Variants in FAM163B observed in about 807,000 individuals in gnomAD.
FAM163B encodes the protein family with sequence similarity 163 member B, also known as protein FAM163B.
Under a neutral mutation model 7.6 loss-of-function variants are expected in FAM163B, and 4 were observed. That is an observed-to-expected ratio of 0.52 (90% CI 0.26 to 1.20). FAM163B has a LOEUF of 1.20. Among genes scored for constraint, FAM163B ranks in the 50% most tolerant of loss-of-function variants. The pLI, the probability that FAM163B is intolerant of heterozygous loss-of-function variation, is 0.14. For synonymous variants in FAM163B, 120 were observed against 111.6 expected, an observed-to-expected ratio of 1.07 and a Z score of -0.47; for missense variants, 250 against 243.0, an observed-to-expected ratio of 1.03 and a Z score of -0.19.
intron 1 of FAM163B, among the ~76,000 whole-genome samples, chr9:133,597,855 G>A (rs1488275258): frequency 6.6e-6 from 1 of 152,030 alleles, no homozygotes; most frequent in Non-Finnish European, 1.5e-5. Context: ...AAAAAAAGAA[G>A]GCCGTCAACC....
chr9:133,595,502 C>T (rs1359053712), intron 1 of FAM163B, among the ~76,000 whole-genome samples: 1 of 152,212 alleles, frequency 6.6e-6, no homozygotes, highest in Non-Finnish European at 1.5e-5. Context: ...CATCCTCGGA[C>T]CACACTTTGA....
intron 1 of FAM163B, among the ~76,000 whole-genome samples, chr9:133,608,649 G>A (rs1053015058): frequency 1.3e-5 from 2 of 152,204 alleles, no homozygotes; most frequent in Non-Finnish European, 2.9e-5. Flanking sequence ...TTGGGTGAAT[G>A]GGATGGGATG....
chr9:133,588,611 G>A (rs1484873507), intron 1 of FAM163B, among the ~76,000 whole-genome samples: 2 of 120,978 alleles, frequency 1.7e-5, no homozygotes, highest in Non-Finnish European at 1.8e-5. Flanking sequence ...GATCTAGGAT[G>A]CTGAAGGATC....
chr9:133,598,224 A>G (rs79368932), intron 1 of FAM163B, among the ~76,000 whole-genome samples: 2,382 of 151,964 alleles, frequency 0.016, 71 homozygotes, highest in East Asian at 0.13. Flanking sequence ...AGGGTTGAGG[A>G]GACAGCAGCT....
At position 133,586,908 on chromosome 9, in the gene FAM163B, C is replaced by T. The variant is rs1311355951; in HGVS notation, c.-23-6662G>A. Reference sequence around the variant, plus strand: ...CTCGTCTCACCCTGGGACCCCCCAGCGTAGGCGGCTTTCCCAGGTGGTGGC... The same window carrying T: ...CTCGTCTCACCCTGGGACCCCCCAGTGTAGGCGGCTTTCCCAGGTGGTGGC... On this transcript the variant is annotated intron_variant, in intron 1 of 2. Coordinates refer to ENST00000673969, the MANE Select transcript of FAM163B (RefSeq NM_001080515.3). Among the ~76,000 whole-genome samples, 11 of 152,036 alleles carry T rather than the reference C, an allele frequency of 7.2e-5. No individual in the cohort carries two copies. In the East Asian group the frequency reaches 1.2e-3, roughly 16 times the overall value.
At chr9:133,590,805 C>T (rs1831541586) in intron 1 of FAM163B, among the ~76,000 whole-genome samples, 1 of 152,190 alleles carries the variant, frequency 6.6e-6, no homozygotes. Flanking sequence ...CCAAGGTCTC[C>T]TCTGCCTGAG....
rs1364527467 is a variant in FAM163B, at chr9:133,578,332, AAAG to A, written c.*687_*689del. 11 of 152,516 alleles carry A rather than the reference AAAG, an allele frequency of 7.2e-5. No individual in the cohort carries two copies. Among genetic ancestry groups the A allele is most frequent in the African/African-American group, 2.6e-4 (11 of 41,526 alleles). 9.4% of individuals were successfully genotyped at this position (152,516 alleles called of 1,614,324 possible). ...TCCCCGTGCCTCCCTCTGCCACCAA[AAAG>A]CTGGTCAGGGCGGAGCATCCCAAGG... On this transcript the variant is annotated 3_prime_UTR_variant, in exon 3 of 3. Transcript: ENST00000673969.
intron 2 of FAM163B, 53 bp from the exon 3 acceptor site, chr9:133,579,482 G>T: frequency 6.7e-7 from 1 of 1,502,676 alleles, no homozygotes; most frequent in South Asian, 1.3e-5. Flanking sequence ...CCCCAGAACC[G>T]ACATGTGGGA....
chr9:133,579,486 T>C, intron 2 of FAM163B, 57 bp from the exon 3 acceptor site: 6 of 1,499,644 alleles, frequency 4.0e-6, no homozygotes, highest in Non-Finnish European at 4.5e-6. Context: ...AGAACCGACA[T>C]GTGGGAAAGG....
At chr9:133,596,737 C>CT in intron 1 of FAM163B, among the ~76,000 whole-genome samples, 1 of 152,298 alleles carries the variant, frequency 6.6e-6, no homozygotes, top group East Asian at 1.9e-4. Flanking sequence ...CCGTGGGGGA[C>CT]CGTGGAGCCA....
chr9:133,591,350 G>A (rs974799695), intron 1 of FAM163B, among the ~76,000 whole-genome samples: 5 of 152,240 alleles, frequency 3.3e-5, no homozygotes, highest in African/African-American at 1.2e-4. Flanking sequence ...CAGCCTCAGG[G>A]CACTGGCCAC....
chr9:133,589,529 G>A (rs1178157979), intron 1 of FAM163B, among the ~76,000 whole-genome samples: 1 of 152,022 alleles, frequency 6.6e-6, no homozygotes, highest in East Asian at 1.9e-4. Flanking sequence ...TAGGGACGGG[G>A]TAAACTCACC....
Position 133,580,186 on chromosome 9 carries a change from A to G in FAM163B, c.38T>C (p.Leu13Ser). ...AGTVVITGGI[L>S]ATVILLCIIA... ...GATGCAGAGCAAAATCACAGTCGCC[A>G]AGATGCCCCCGGTGATGACCACGGT... is the stretch of plus-strand genomic sequence containing the variant. The change falls in exon 2 of 3, where the codon TTG becomes TCG. Residue 13 changes from leucine (L) to serine (S), a missense_variant. By Grantham distance (145) the Leu-to-Ser change is moderately radical (BLOSUM62 -2). Coordinates refer to ENST00000673969, the MANE Select transcript of FAM163B (RefSeq NM_001080515.3). 1 of 1,613,592 alleles carries G rather than the reference A, an allele frequency of 6.2e-7. No homozygotes were observed. The highest frequency in any genetic ancestry group is 8.5e-7 in the Non-Finnish European group (1 of 1,180,034).
At position 133,577,362 on chromosome 9, in the gene FAM163B, G is replaced by A. The variant is rs10114817; in HGVS notation, c.*1660C>T. ...GGAAGCCAGAGGTGTGGGCGGGCCC[G>A]GGGGGCCGGGGCTGCGAGGGACCTC... On this transcript the variant is annotated 3_prime_UTR_variant, in exon 3 of 3. Coordinates refer to ENST00000673969, the MANE Select transcript of FAM163B (RefSeq NM_001080515.3). 0.17 allele frequency among the ~76,000 whole-genome samples: 24,956 copies of A among 146,218 alleles called. 2,219 individuals carry two copies. The highest frequency in any genetic ancestry group is 0.22 in the African/African-American group (8,734 of 39,870).
intron 1 of FAM163B, among the ~76,000 whole-genome samples, chr9:133,596,378 C>G (rs903448383): frequency 1.9e-4 from 27 of 145,582 alleles, no homozygotes; most frequent in African/African-American, 7.0e-4. Context: ...ATGGAGATGA[C>G]AGTAGAAGTC....
intron 1 of FAM163B, among the ~76,000 whole-genome samples, chr9:133,588,366 G>C (rs1831472990): frequency 6.6e-6 from 1 of 152,030 alleles, no homozygotes; most frequent in South Asian, 2.1e-4. Context: ...TAAGGACCTT[G>C]AACAGAAAGA....
At chr9:133,587,130 A>G (rs1831451436) in intron 1 of FAM163B, among the ~76,000 whole-genome samples, 1 of 152,206 alleles carries the variant, frequency 6.6e-6, no homozygotes, top group African/African-American at 2.4e-5. Flanking sequence ...CTTGCTCCTC[A>G]AGGAGTCTTG....
chr9:133,605,402 C>T (rs139766006), intron 1 of FAM163B, among the ~76,000 whole-genome samples: 1,836 of 152,248 alleles, frequency 0.012, 50 homozygotes, highest in African/African-American at 0.042. Flanking sequence ...ATGTGGTGGA[C>T]GAGGTGGCAG....
intron 1 of FAM163B, among the ~76,000 whole-genome samples, chr9:133,596,592 G>A (rs1423681505): frequency 1.3e-5 from 2 of 152,132 alleles, no homozygotes; most frequent in Admixed American, 6.5e-5. Flanking sequence ...CCCTCCAGCT[G>A]GAATCCCAGG....
Sources: gnomAD v4.1 joint callset for allele counts (sites outside exome capture counted in the v4.1 genomes callset) on GRCh38, gnomAD v4.1.1 for gene constraint, MANE v1.5 for transcripts, NCBI Gene and HGNC (gene_info 2026-07-23, HGNC 2026-07-21) for gene names.